The following SCIN variants were observed in gnomAD, a reference collection of about 807,000 sequenced individuals.
SCIN encodes adseverin.
SCIN carries 91 observed loss-of-function variants against 91.8 expected under a neutral mutation model. The ratio of observed to expected loss-of-function variants is 0.99; its 90% CI spans 0.84 to 1.18. The LOEUF is 1.18. Among genes scored for constraint, SCIN ranks in the 50% most tolerant of loss-of-function variants. The pLI is 0.00. For synonymous variants in SCIN, 367 were observed against 312.6 expected (o/e 1.17, Z -1.84); for missense variants, 1,087 against 863.9 (o/e 1.26, Z -3.24).
intron 4 of SCIN, among the ~76,000 whole-genome samples, chr7:12,605,979 G>A (rs1249884329): frequency 6.6e-6 from 1 of 152,120 alleles, no homozygotes. Flanking sequence ...TAAGAATATT[G>A]CAGTGACTAC....
Position 12,574,620 on chromosome 7 carries a change from T to C in SCIN, c.200-3444T>C, listed in dbSNP as rs573276547. Among the ~76,000 whole-genome samples the C allele has an allele frequency of 9.9e-5, 15 of 152,268 alleles. No individual in the cohort carries two copies. The East Asian group carries it at 2.9e-3, about 29-fold the overall frequency. On this transcript the variant is annotated intron_variant, in intron 1 of 15. Transcript: ENST00000297029. Reference sequence around the variant, plus strand: ...GGTTGTGGTGTTCAGTGCTATACTGTACTATACATTAATATGTTAAGCTAT... The same window carrying C: ...GGTTGTGGTGTTCAGTGCTATACTGCACTATACATTAATATGTTAAGCTAT...
At chr7:12,626,237 T>G (rs1157230470) in intron 7 of SCIN, 1 of 316,742 alleles carries the variant, frequency 3.2e-6, no homozygotes, top group African/African-American at 2.2e-5. Flanking sequence ...ACTCCTTTCC[T>G]TTCCGAATCT....
At chr7:12,611,722 A>G (rs1783195119) in intron 4 of SCIN, among the ~76,000 whole-genome samples, 1 of 152,160 alleles carries the variant, frequency 6.6e-6, no homozygotes, top group Non-Finnish European at 1.5e-5. Context: ...AGCATTTTTG[A>G]AAGAGTCTAA....
chr7:12,630,001 G>A (rs1048970633), intron 9 of SCIN, among the ~76,000 whole-genome samples: 1 of 151,982 alleles, frequency 6.6e-6, no homozygotes, highest in East Asian at 1.9e-4. Flanking sequence ...AGAAATGTGG[G>A]CTGTGGGCGT....
At chr7:12,608,426 T>C (rs761445167) in intron 4 of SCIN, among the ~76,000 whole-genome samples, 2 of 152,074 alleles carry the variant, frequency 1.3e-5, no homozygotes, top group Non-Finnish European at 2.9e-5. Context: ...TTACTAGAGA[T>C]GGAGTCTGAA....
At chr7:12,646,251 A>C (rs1277014016) in intron 13 of SCIN, among the ~76,000 whole-genome samples, 1 of 152,214 alleles carries the variant, frequency 6.6e-6, no homozygotes, top group Admixed American at 6.5e-5. Flanking sequence ...TTTAAACCAC[A>C]AACATTTATT....
rs1231301892 is a variant in SCIN at position 12,578,226 on chromosome 7, G to A, written c.354+8G>A. 5 of 1,541,570 alleles carry A rather than the reference G, an allele frequency of 3.2e-6. No homozygotes were observed. Among genetic ancestry groups the A allele is most frequent in the Admixed American group, 4.0e-5 (2 of 49,436 alleles). ...GGCGGTCTGAAATACAAGGTAAGCA[G>A]CTCCCTCAGTTTCCATTATGAATCC... On this transcript the variant is annotated splice_region_variant and intron_variant, in intron 2 of 15. Transcript: ENST00000297029.
chr7:12,640,765 T>A lies in SCIN; in HGVS notation c.1581+248T>A, dbSNP rs146855698. On this transcript the variant is annotated intron_variant, in intron 11 of 15. Transcript: ENST00000297029. ...AACAGATAAATTTTTAAGAATACTG[T>A]CACAAATTAGCTGTCAAAAGCGTGA... 1.1e-3 allele frequency among the ~76,000 whole-genome samples: 164 copies of A among 152,350 alleles called. 1 individual carries two copies. Among genetic ancestry groups the A allele is most frequent in the Non-Finnish European group, 2.2e-3 (148 of 68,030 alleles).
intron 9 of SCIN, among the ~76,000 whole-genome samples, chr7:12,630,830 GAGTATATCAATACC>G (rs1783626990): frequency 6.6e-6 from 1 of 152,170 alleles, no homozygotes; most frequent in Non-Finnish European, 1.5e-5. Flanking sequence ...TTTAAGGCCT[GAGTATATCAATACC>G]AGGTAGTTAT....
At position 12,656,005 on chromosome 7, in the gene SCIN, G is replaced by C. The variant is rs1784157137; in HGVS notation, c.*3290G>C. 1 of 152,180 alleles carries C rather than the reference G, an allele frequency of 6.6e-6. No homozygotes were observed. The allele number at this position is 152,180 out of a possible 1,614,324, so 9.4% of individuals were successfully genotyped here. A position where few individuals can be genotyped will look rare whatever the true frequency, so the allele number is the denominator to read the frequency against. ...CCTGCATTTACCTCTTGGTGCCGGA[G>C]AGCCTTGGTGAGCCATTTAGATCCT... On this transcript the variant is annotated 3_prime_UTR_variant, in exon 16 of 16. Transcript: ENST00000297029.
At chr7:12,626,537 T>A (rs1257130642) in intron 7 of SCIN, 47 bp from the exon 8 acceptor site, 1 of 1,363,896 alleles carries the variant, frequency 7.3e-7, no homozygotes, top group Non-Finnish European at 1.0e-6. Context: ...TATTTTCCCT[T>A]AATTTCTTAT....
intron 1 of SCIN, chr7:12,571,349 G>A: frequency 5.6e-6 from 2 of 359,024 alleles, no homozygotes; most frequent in South Asian, 5.4e-5. Flanking sequence ...GCCAAGCCCC[G>A]CTCACCTTCC....
Position 12,626,580 on chromosome 7 carries a change from T to C in SCIN, c.982-4T>C, listed in dbSNP as rs1783525670. On this transcript the variant is annotated splice_region_variant and splice_polypyrimidine_tract_variant and intron_variant, in intron 7 of 15. Coordinates refer to ENST00000297029, the MANE Select transcript of SCIN (RefSeq NM_001112706.3). Reference sequence around the variant, plus strand: ...TTTACTATTATTATTATTTTAAATTTCAGATTCAAGTTCTTCCAGAAGGAG... The same window carrying C: ...TTTACTATTATTATTATTTTAAATTCCAGATTCAAGTTCTTCCAGAAGGAG... 6.5e-7 allele frequency: 1 copy of C among 1,528,744 alleles called. No individual in the cohort carries two copies. Among genetic ancestry groups the C allele is most frequent in the Non-Finnish European group, 8.8e-7 (1 of 1,131,546 alleles). The allele number at this position is 1,528,744 out of a possible 1,614,324, so 94.7% of individuals were successfully genotyped here. A position where few individuals can be genotyped will look rare whatever the true frequency, so the allele number is the denominator to read the frequency against.
Position 12,649,517 on chromosome 7 carries a change from T to C in SCIN, c.1932T>C (p.Asp644=). 1.2e-6 allele frequency: 2 copies of C among 1,602,760 alleles called. No homozygotes were observed. The highest frequency in any genetic ancestry group is 1.7e-6 in the Non-Finnish European group (2 of 1,174,080). Residue 644 remains aspartate (D), a synonymous_variant, in exon 14 of 16, where the codon GAT becomes GAC. Transcript: ENST00000297029. ...CCCAGGATGATTTAGCTGAAGATGA[T>C]GTCATGTTACTAGATGCTTGGGAAC... ...EFTQDDLAED[D]VMLLDAWEQI...
chr7:12,602,063 C>T lies in SCIN; in HGVS notation c.517-2451C>T, dbSNP rs12534271. Among the ~76,000 whole-genome samples the T allele has an allele frequency of 3.2e-4, 48 of 152,222 alleles. No homozygotes were observed. In the Middle Eastern group the frequency reaches 0.01, roughly 32 times the overall value. ...TTGGGAGCCAGATATCGGCGGAACCCGCTCCCAATGTTTCAACATAGGTTC... is the reference window on the plus strand; with the variant it reads ...TTGGGAGCCAGATATCGGCGGAACCTGCTCCCAATGTTTCAACATAGGTTC... On this transcript the variant is annotated intron_variant, in intron 3 of 15. Transcript: ENST00000297029.
chr7:12,593,067 G>T (rs1782759915), intron 3 of SCIN, among the ~76,000 whole-genome samples: 1 of 152,216 alleles, frequency 6.6e-6, no homozygotes, highest in Admixed American at 6.5e-5. Flanking sequence ...CTGCCCATCT[G>T]TTGAGAGGAC....
chr7:12,615,418 T>C (rs849795), intron 4 of SCIN, among the ~76,000 whole-genome samples: 1 of 152,008 alleles, frequency 6.6e-6, no homozygotes, highest in Non-Finnish European at 1.5e-5. Flanking sequence ...GTTTTTTCCT[T>C]TGTGTTCCCT....
In SCIN at chr7:12,619,776, C is replaced by A. The variant is rs146516339; in HGVS notation, c.667-3025C>A. Reference sequence around the variant, plus strand: ...ATCTGAAGGGGACTTGGGTTTCAGACAGAAGTTTTGGGTCAGTGGGAGCAC... The same window carrying A: ...ATCTGAAGGGGACTTGGGTTTCAGAAAGAAGTTTTGGGTCAGTGGGAGCAC... On this transcript the variant is annotated intron_variant, in intron 4 of 15. Coordinates refer to ENST00000297029, the MANE Select transcript of SCIN (RefSeq NM_001112706.3). 1.4e-3 allele frequency among the ~76,000 whole-genome samples: 214 copies of A among 152,096 alleles called. No homozygotes were observed. In the East Asian group the frequency reaches 0.023, roughly 16 times the overall value.
chr7:12,628,026 TGC>T (rs552358049), intron 8 of SCIN, among the ~76,000 whole-genome samples: 2,070 of 87,652 alleles, frequency 0.024, 22 homozygotes, highest in Non-Finnish European at 0.032. Context: ...TAGGCAAGTG[TGC>T]GCGCGTGTGT....
Sources: gnomAD v4.1 joint callset for allele counts (sites outside exome capture counted in the v4.1 genomes callset) on GRCh38, gnomAD v4.1.1 for gene constraint, MANE v1.5 for transcripts, NCBI Gene and HGNC (gene_info 2026-07-23, HGNC 2026-07-21) for gene names.